NFASC: variants seen among roughly 807,000 people sequenced by gnomAD.
NFASC encodes the protein neurofascin homolog.
Under a neutral mutation model 147.5 loss-of-function variants are expected in NFASC, and 43 were observed. The observed-to-expected ratio is 0.29, with a 90% CI of 0.23 to 0.38. The LOEUF (loss-of-function observed/expected upper bound fraction) is 0.38. NFASC is among the 10% of genes least tolerant of loss of function. The pLI is 1.00. For missense variants in NFASC, 1,320 were observed against 1,689.0 expected, an observed-to-expected ratio of 0.78 and a Z score of 3.83; for synonymous variants, 622 against 665.5, an observed-to-expected ratio of 0.93 and a Z score of 1.01.
chr1:204,870,763 C>A, intron 1 of NFASC: 1 of 1,160,078 alleles, frequency 8.6e-7, no homozygotes, highest in Non-Finnish European at 1.1e-6. Flanking sequence ...TCTCAGAGGA[C>A]GTGGTGGGCT....
Position 204,828,691 on chromosome 1 carries a change from G to A in NFASC, c.-291G>A. The A allele has an allele frequency of 3.0e-6, 3 of 985,354 alleles. No individual in the cohort carries two copies. Among genetic ancestry groups the A allele is most frequent in the Non-Finnish European group, 3.6e-6 (3 of 830,020 alleles). The allele number at this position is 985,354 out of a possible 1,614,324, so 61.0% of individuals were successfully genotyped here. A position where few individuals can be genotyped will look rare whatever the true frequency, so the allele number is the denominator to read the frequency against. On this transcript the variant is annotated 5_prime_UTR_variant, in exon 1 of 30. Coordinates refer to ENST00000339876, the MANE Select transcript of NFASC (RefSeq NM_001005388.3). ...CTCTGCCCTAATGCGGCGGCTGGCG[G>A]CGAGAGGCGCTGCAGGGGACGCGGG...
intron 8 of NFASC, among the ~76,000 whole-genome samples, chr1:204,958,234 A>G (rs1219830956): frequency 1.3e-5 from 2 of 152,146 alleles, no homozygotes; most frequent in Non-Finnish European, 2.9e-5. Context: ...ACACAGCTTG[A>G]TTATTTCTTT....
Position 204,838,074 on chromosome 1 carries a change from G to A in NFASC, c.-200+9292G>A, listed in dbSNP as rs117769346. On this transcript the variant is annotated intron_variant, in intron 1 of 29. Transcript: ENST00000339876. ...GAGCAGCAGAACTTCCCAGAACACCGTACTCATTACTTCAAATGAAACATC... is the reference window on the plus strand; with the variant it reads ...GAGCAGCAGAACTTCCCAGAACACCATACTCATTACTTCAAATGAAACATC... Among the ~76,000 whole-genome samples, 104 of 152,210 alleles carry A rather than the reference G, an allele frequency of 6.8e-4. 1 individual carries two copies. Among genetic ancestry groups the A allele is most frequent in the East Asian group, 6.4e-3 (33 of 5,192 alleles).
intron 2 of NFASC, among the ~76,000 whole-genome samples, chr1:204,933,637 C>A (rs1019084875): frequency 2.6e-5 from 4 of 151,956 alleles, no homozygotes; most frequent in African/African-American, 9.7e-5. Flanking sequence ...ATTTTTAATA[C>A]CTCCAGGAGG....
chr1:205,016,149 C>T lies in NFASC; in HGVS notation c.3492-159C>T, dbSNP rs1465461963. Among the ~76,000 whole-genome samples the T allele has an allele frequency of 6.6e-6, 1 of 152,198 alleles. No individual in the cohort carries two copies. The highest frequency in any genetic ancestry group is 1.5e-5 in the Non-Finnish European group (1 of 68,038). On this transcript the variant is annotated intron_variant, in intron 29 of 29. Transcript: ENST00000339876. The surrounding 1 kb of genome is among the most constrained non-coding windows in gnomAD (Gnocchi z 5.1). ...GCTTGTCCTCTCTAGGCCTCCATTT[C>T]CCTTCTGCAAAGCAGGCTGGACAGG...
intron 1 of NFASC, among the ~76,000 whole-genome samples, chr1:204,909,283 A>G (rs185261488): frequency 6.6e-6 from 1 of 152,202 alleles, no homozygotes; most frequent in African/African-American, 2.4e-5. Flanking sequence ...AGTCATTCCA[A>G]TAGGTGTATA....
intron 27 of NFASC, 54 bp downstream of exon 27, chr1:205,002,802 C>T: frequency 3.8e-6 from 5 of 1,315,878 alleles, no homozygotes; most frequent in South Asian, 2.1e-5. Context: ...ATTTCATTCT[C>T]ATCCTCAGCT....
At chr1:204,894,175 G>A (rs541531830) in intron 1 of NFASC, among the ~76,000 whole-genome samples, 5 of 152,300 alleles carry the variant, frequency 3.3e-5, no homozygotes, top group African/African-American at 1.2e-4. Flanking sequence ...CTTTGGCAGA[G>A]ATTAAAAAAA....
chr1:204,879,938 C>T (rs1474738011), intron 1 of NFASC, among the ~76,000 whole-genome samples: 1 of 152,168 alleles, frequency 6.6e-6, no homozygotes, highest in Non-Finnish European at 1.5e-5. Context: ...GCTGTGGGCT[C>T]TCGGCTGTGG....
intron 2 of NFASC, among the ~76,000 whole-genome samples, chr1:204,939,940 T>A (rs961260526): frequency 6.6e-6 from 1 of 152,202 alleles, no homozygotes; most frequent in African/African-American, 2.4e-5. Context: ...TTCCTTCCTT[T>A]GACTTGGATG....
chr1:204,838,655 G>A (rs879429052), intron 1 of NFASC, among the ~76,000 whole-genome samples: 7 of 152,274 alleles, frequency 4.6e-5, no homozygotes, highest in Admixed American at 4.6e-4. Flanking sequence ...GTGAGGTGGG[G>A]TGGGGTACAA....
At chr1:204,988,891 C>G in intron 23 of NFASC, 85 bp downstream of exon 23, 2 of 1,342,142 alleles carry the variant, frequency 1.5e-6, no homozygotes, top group African/African-American at 2.9e-5. Flanking sequence ...TAGCTGGCTG[C>G]CTGGGATGGA....
At position 204,893,875 on chromosome 1, in the gene NFASC, G is replaced by C. The variant is rs188621898; in HGVS notation, c.-199-26757G>C. On this transcript the variant is annotated intron_variant, in intron 1 of 29. Transcript: ENST00000339876. ...CTTAGTAAAAGCTGGTGTGAATTAT[G>C]TCACCAATTCCCATTTGCCTGCCTT... Among the ~76,000 whole-genome samples, 118 of 152,320 alleles carry C rather than the reference G, an allele frequency of 7.7e-4. 1 individual carries two copies. The highest frequency in any genetic ancestry group is 5.0e-3 in the South Asian group (24 of 4,824).
intron 2 of NFASC, among the ~76,000 whole-genome samples, chr1:204,921,256 G>A (rs1041079703): frequency 3.3e-5 from 5 of 152,130 alleles, no homozygotes; most frequent in East Asian, 1.9e-4. Flanking sequence ...GTTCCATTCC[G>A]GGTTAGATTT....
At chr1:204,951,913 A>G (rs1471029681) in intron 4 of NFASC, 98 bp from the exon 5 acceptor site, 25 of 906,060 alleles carry the variant, frequency 2.8e-5, no homozygotes, top group Non-Finnish European at 4.2e-5. Flanking sequence ...GCCTGCTTGC[A>G]TGTGTGGCTT....
intron 21 of NFASC, among the ~76,000 whole-genome samples, chr1:204,985,511 G>A (rs1480050742): frequency 2.0e-5 from 3 of 152,168 alleles, no homozygotes; most frequent in Non-Finnish European, 4.4e-5. Flanking sequence ...TGGTCTTTGA[G>A]CACAGAGTGG....
chr1:204,972,091 C>G (rs989427933), intron 11 of NFASC, among the ~76,000 whole-genome samples: 1 of 152,184 alleles, frequency 6.6e-6, no homozygotes, highest in Non-Finnish European at 1.5e-5. Flanking sequence ...GGGACCCGGG[C>G]GTGGATGATA....
At position 205,019,837 on chromosome 1, in the gene NFASC, A is replaced by G. The variant is rs1263737625; in HGVS notation, c.*3298A>G. The G allele has an allele frequency of 2.0e-5, 3 of 152,088 alleles. No individual in the cohort carries two copies. The highest frequency in any genetic ancestry group is 4.4e-5 in the Non-Finnish European group (3 of 68,026). The allele number at this position is 152,088 out of a possible 1,614,324, so 9.4% of individuals were successfully genotyped here. A position where few individuals can be genotyped will look rare whatever the true frequency, so the allele number is the denominator to read the frequency against. ...GGGGCAAGCTCCTTAACCTGTCTGTATTTTTATGCCTCTGTCTCCCATTCA... is the reference window on the plus strand; with the variant it reads ...GGGGCAAGCTCCTTAACCTGTCTGTGTTTTTATGCCTCTGTCTCCCATTCA... On this transcript the variant is annotated 3_prime_UTR_variant, in exon 30 of 30. Transcript: ENST00000339876.
intron 1 of NFASC, among the ~76,000 whole-genome samples, chr1:204,897,278 T>C (rs868019110): frequency 6.6e-6 from 1 of 151,950 alleles, no homozygotes; most frequent in Non-Finnish European, 1.5e-5. Context: ...CAATGACAGA[T>C]GGAGGGTGGG....
Sources: allele counts gnomAD v4.1 joint callset (sites outside exome capture counted in the v4.1 genomes callset), GRCh38; gene constraint gnomAD v4.1.1; non-coding constraint Gnocchi (gnomAD v3.1); transcripts MANE v1.5; gene names NCBI Gene and HGNC (gene_info 2026-07-23, HGNC 2026-07-21).